The following ZNF705G variants were observed in gnomAD, a reference collection of about 807,000 sequenced individuals.
ZNF705G encodes putative zinc finger protein 705G.
A neutral mutation model predicts 19.6 loss-of-function variants in ZNF705G; 23 were observed. The ratio of observed to expected loss-of-function variants is 1.17; its 90% CI spans 0.84 to 1.66. The LOEUF (loss-of-function observed/expected upper bound fraction) is 1.66. ZNF705G is among the 40% of genes most tolerant of loss of function. The pLI is 0.00. For synonymous variants in ZNF705G, 146 were observed against 117.7 expected, an observed-to-expected ratio of 1.24 and a Z score of -1.56; for missense variants, 457 against 354.4, an observed-to-expected ratio of 1.29 and a Z score of -2.32.
At chr8:7,362,752 G>A (rs370407859) in intron 3 of ZNF705G, among the ~76,000 whole-genome samples, 183 bp downstream of exon 3, 2 of 149,236 alleles carry the variant, frequency 1.3e-5, no homozygotes, top group Non-Finnish European at 2.9e-5. Context: ...AACTTAATGG[G>A]GGGCCAGATA....
chr8:7,362,835 A>G, intron 3 of ZNF705G, 100 bp downstream of exon 3: 4 of 1,585,002 alleles, frequency 2.5e-6, no homozygotes, highest in Non-Finnish European at 3.4e-6. Flanking sequence ...AAACAAACAA[A>G]AAAAGAATAA....
In ZNF705G at chr8:7,358,317, T is replaced by C. The variant is rs1469730238; in HGVS notation, c.562A>G (p.Arg188Gly). ...EKAYTNCFHL[R>G]RHKMTHTGER... is the part of the protein sequence containing the mutation. Reference sequence around the variant, plus strand: ...CCAGTGTGAGTCATCTTGTGCCGTCTAAGGTGAAAGCAATTAGTATAGGCC... The same window carrying C: ...CCAGTGTGAGTCATCTTGTGCCGTCCAAGGTGAAAGCAATTAGTATAGGCC... Residue 188 changes from arginine to glycine, a missense_variant, in exon 7 of 7, where the codon AGA (arginine) becomes GGA (glycine). Transcript: ENST00000400156. The C allele has an allele frequency of 1.2e-6, 2 of 1,607,874 alleles. No individual in the cohort carries two copies. The highest frequency in any genetic ancestry group is 3.3e-5 in the Admixed American group (2 of 59,948).
chr8:7,363,835 G>C (rs1806719351), intron 2 of ZNF705G, among the ~76,000 whole-genome samples: 1 of 149,090 alleles, frequency 6.7e-6, no homozygotes, highest in Non-Finnish European at 1.5e-5. Flanking sequence ...AAAAAAATCT[G>C]TTTTAGGATG....
intron 5 of ZNF705G, 39 bp from the exon 6 acceptor site, chr8:7,359,740 T>C: frequency 2.5e-6 from 4 of 1,605,004 alleles, no homozygotes; most frequent in Non-Finnish European, 3.4e-6. Context: ...ATTGGTATTA[T>C]GGTAATAAAA....
chr8:7,357,341 C>T lies in ZNF705G; in HGVS notation c.*635G>A, dbSNP rs1806320380. Reference sequence around the variant, plus strand: ...ATGAAGGCTTTCCTCTCTTATTTTCCATTTTAGCAGCATTTTGTCACTCTT... The same window carrying T: ...ATGAAGGCTTTCCTCTCTTATTTTCTATTTTAGCAGCATTTTGTCACTCTT... On this transcript the variant is annotated 3_prime_UTR_variant, in exon 7 of 7. Transcript: ENST00000400156. 1 of 152,594 alleles carries T rather than the reference C, an allele frequency of 6.6e-6. No homozygotes were observed. The highest frequency in any genetic ancestry group is 6.4e-5 in the Admixed American group (1 of 15,748). 9.5% of individuals were successfully genotyped at this position (152,594 alleles called of 1,614,324 possible). A position where few individuals can be genotyped will look rare whatever the true frequency, so the allele number is the denominator to read the frequency against.
At chr8:7,370,200 G>A (rs1337278642) in intron 2 of ZNF705G, among the ~76,000 whole-genome samples, 1 of 147,858 alleles carries the variant, frequency 6.8e-6, no homozygotes, top group African/African-American at 2.7e-5. Context: ...GAACCTAGGA[G>A]GCGGAGCTTG....
At chr8:7,366,296 T>C (rs1361928845) in intron 2 of ZNF705G, among the ~76,000 whole-genome samples, 1 of 149,394 alleles carries the variant, frequency 6.7e-6, no homozygotes, top group South Asian at 2.1e-4. Context: ...GAAAGTGGAA[T>C]GGAATTTAAA....
intron 4 of ZNF705G, 96 bp downstream of exon 4, chr8:7,361,014 G>A (rs1168899085): frequency 5.7e-6 from 9 of 1,581,976 alleles, no homozygotes; most frequent in Non-Finnish European, 6.8e-6. Flanking sequence ...AATCAGAGAA[G>A]AGATTAGAGT....
At chr8:7,383,283 T>C (rs1370468115) in intron 1 of ZNF705G, among the ~76,000 whole-genome samples, 1 of 147,712 alleles carries the variant, frequency 6.8e-6, no homozygotes, top group Non-Finnish European at 1.5e-5. Flanking sequence ...GGTAAAGGAA[T>C]TAAACAGCAG....
In ZNF705G at chr8:7,355,831, A is replaced by C. The variant is rs1806190197; in HGVS notation, c.*2145T>G. On this transcript the variant is annotated 3_prime_UTR_variant, in exon 7 of 7. Coordinates refer to ENST00000400156, the MANE Select transcript of ZNF705G (RefSeq NM_001164457.3). ...AATGATATGAGCTCTGCCTGGACAC[A>C]GTCCTTGCCTCTCCAACCAGTTTGC... 1.3e-5 allele frequency: 2 copies of C among 149,626 alleles called. 1 individual carries two copies. The highest frequency in any genetic ancestry group is 5.1e-5 in the African/African-American group (2 of 39,032). The allele number at this position is 149,626 out of a possible 1,614,324, so 9.3% of individuals were successfully genotyped here.
chr8:7,368,823 G>C (rs1167623897), intron 2 of ZNF705G, among the ~76,000 whole-genome samples: 1 of 149,460 alleles, frequency 6.7e-6, no homozygotes, highest in South Asian at 2.1e-4. Flanking sequence ...GGCTAAAAGG[G>C]CCCCAGACAT....
intron 2 of ZNF705G, among the ~76,000 whole-genome samples, chr8:7,367,862 T>A (rs1357868782): frequency 1.3e-5 from 2 of 149,994 alleles, no homozygotes; most frequent in Middle Eastern, 3.4e-3. Flanking sequence ...ATGCTGCCAG[T>A]AACTGGAATC....
Position 7,385,544 on chromosome 8 carries a change from C to T in ZNF705G, c.-268G>A, listed in dbSNP as rs1299861548. On this transcript the variant is annotated 5_prime_UTR_variant, in exon 1 of 7. Coordinates refer to ENST00000400156, the MANE Select transcript of ZNF705G (RefSeq NM_001164457.3). ...CTCCACAGGCTGTGTGCTGTATGTCCCTTGGGACAAGGACACCTGAAAGCA... is the reference window on the plus strand; with the variant it reads ...CTCCACAGGCTGTGTGCTGTATGTCTCTTGGGACAAGGACACCTGAAAGCA... 1 of 147,662 alleles carries T rather than the reference C, an allele frequency of 6.8e-6. No individual in the cohort carries two copies. The highest frequency in any genetic ancestry group is 1.5e-5 in the Non-Finnish European group (1 of 67,896). 9.1% of individuals were successfully genotyped at this position (147,662 alleles called of 1,614,324 possible).
chr8:7,367,235 AG>A (rs1585417629), intron 2 of ZNF705G, among the ~76,000 whole-genome samples: 1 of 149,432 alleles, frequency 6.7e-6, no homozygotes, highest in South Asian at 2.1e-4. Context: ...GAGCATGAGC[AG>A]GGCAGGAGAG....
intron 3 of ZNF705G, among the ~76,000 whole-genome samples, chr8:7,361,918 GT>G (rs1352820995): frequency 1.4e-4 from 21 of 149,666 alleles, no homozygotes; most frequent in African/African-American, 5.4e-4. Context: ...TATAATTCAG[GT>G]ATTCATGACA....
intron 3 of ZNF705G, 130 bp downstream of exon 3, chr8:7,362,805 G>A: frequency 1.3e-6 from 2 of 1,578,962 alleles, no homozygotes; most frequent in Non-Finnish European, 1.7e-6. Context: ...CAGGCAGGGT[G>A]GATTTTACAT....
Position 7,357,662 on chromosome 8 carries a change from C to A in ZNF705G, c.*314G>T, listed in dbSNP as rs1348624341. 8 of 485,876 alleles carry A rather than the reference C, an allele frequency of 1.6e-5. No individual in the cohort carries two copies. The highest frequency in any genetic ancestry group is 2.6e-5 in the South Asian group (1 of 38,790). The allele number at this position is 485,876 out of a possible 1,614,324, so 30.1% of individuals were successfully genotyped here. A position where few individuals can be genotyped will look rare whatever the true frequency, so the allele number is the denominator to read the frequency against. On this transcript the variant is annotated 3_prime_UTR_variant, in exon 7 of 7. Coordinates refer to ENST00000400156, the MANE Select transcript of ZNF705G (RefSeq NM_001164457.3). ...CATACATGTCATACAATTTCTCTTC[C>A]ATATGAATTTATTGATGTGGACTGA...
Position 7,363,800 on chromosome 8 carries a change from G to T in ZNF705G, c.-71-783C>A, listed in dbSNP as rs1177934423. Among the ~76,000 whole-genome samples, 9 of 149,094 alleles carry T rather than the reference G, an allele frequency of 6.0e-5. 1 individual carries two copies. Among genetic ancestry groups the T allele is most frequent in the African/African-American group, 2.1e-4 (8 of 38,614 alleles). On this transcript the variant is annotated intron_variant, in intron 2 of 6. Coordinates refer to ENST00000400156, the MANE Select transcript of ZNF705G (RefSeq NM_001164457.3). ...CCCACCACTGCACTCCAGCGAGGGT[G>T]ACAGAGCGAGACTCTGTCTCAAAAA...
intron 2 of ZNF705G, among the ~76,000 whole-genome samples, chr8:7,366,739 A>T (rs1222469971): frequency 2.0e-5 from 3 of 149,594 alleles, no homozygotes; most frequent in African/African-American, 7.7e-5. Context: ...AGAAAATCTG[A>T]GAAAGGAGAT....
Sources: allele counts gnomAD v4.1 joint callset (sites outside exome capture counted in the v4.1 genomes callset), GRCh38; gene constraint gnomAD v4.1.1; transcripts MANE v1.5; gene names NCBI Gene and HGNC (gene_info 2026-07-23, HGNC 2026-07-21).